DTNB: variants seen among roughly 807,000 people sequenced by gnomAD.
The protein encoded by DTNB is dystrobrevin beta, also known as DTN-B.
DTNB carries 63 observed loss-of-function variants against 90.7 expected under a neutral mutation model. The observed-to-expected ratio is 0.69, with a 90% CI of 0.57 to 0.86. The LOEUF (loss-of-function observed/expected upper bound fraction) is 0.86, where lower values mean the gene tolerates loss of function less well. DTNB is among the 40% of genes least tolerant of loss of function. DTNB has a pLI of 0.00. For missense variants in DTNB, 744 were observed against 807.1 expected (o/e 0.92, Z 0.95); for synonymous variants, 277 against 286.7 (o/e 0.97, Z 0.34).
intron 9 of DTNB, among the ~76,000 whole-genome samples, chr2:25,502,664 A>G (rs1332520067): frequency 2.0e-5 from 3 of 151,878 alleles, no homozygotes; most frequent in African/African-American, 2.4e-5. Context: ...TGGGTGGATC[A>G]TGAAGTCAGG....
At chr2:25,422,395 C>CTTTTT (rs146697158) in intron 15 of DTNB, among the ~76,000 whole-genome samples, 306 of 82,968 alleles carry the variant, frequency 3.7e-3, no homozygotes, top group East Asian at 6.3e-3. Context: ...CTTTTCTCTT[C>CTTTTT]TTTTTTTTTT....
At chr2:25,453,860 C>T (rs1035186451) in intron 11 of DTNB, among the ~76,000 whole-genome samples, 2 of 152,138 alleles carry the variant, frequency 1.3e-5, no homozygotes, top group African/African-American at 4.8e-5. Flanking sequence ...GAAAACCCTA[C>T]TTCTCAGCCG....
intron 1 of DTNB, among the ~76,000 whole-genome samples, chr2:25,666,215 T>A (rs2084407582): frequency 6.6e-6 from 1 of 152,204 alleles, no homozygotes; most frequent in South Asian, 2.1e-4. Flanking sequence ...ATCATATACA[T>A]CTGTTTCTCT....
At chr2:25,584,579 CAG>C (rs1305832453) in intron 6 of DTNB, among the ~76,000 whole-genome samples, 2 of 150,190 alleles carry the variant, frequency 1.3e-5, no homozygotes, top group African/African-American at 4.9e-5. Context: ...TTTTTTGAGA[CAG>C]AGTCTCACTC....
intron 8 of DTNB, among the ~76,000 whole-genome samples, chr2:25,547,269 TTC>T (rs1250496574): frequency 3.3e-5 from 5 of 149,344 alleles, no homozygotes; most frequent in South Asian, 2.1e-4. Context: ...ACCTGTATAC[TTC>T]TTTTTTTTTT....
intron 16 of DTNB, among the ~76,000 whole-genome samples, chr2:25,407,045 G>C (rs1370139797): frequency 6.6e-6 from 1 of 152,048 alleles, no homozygotes; most frequent in Non-Finnish European, 1.5e-5. Flanking sequence ...AGGGTTTATG[G>C]TTAGCCATCT....
At chr2:25,616,465 C>T (rs945068550) in intron 4 of DTNB, among the ~76,000 whole-genome samples, 3 of 152,016 alleles carry the variant, frequency 2.0e-5, no homozygotes, top group Admixed American at 6.6e-5. Flanking sequence ...TTCAGAGACT[C>T]TCATATTCAA....
chr2:25,662,681 A>ACACACAAACAC (rs35419647), intron 1 of DTNB, among the ~76,000 whole-genome samples: 66 of 104,528 alleles, frequency 6.3e-4, no homozygotes, highest in South Asian at 1.9e-3. Context: ...CACACACACA[A>ACACACAAACAC]ACACACACAC....
chr2:25,656,713 G>T (rs935389355), intron 1 of DTNB, among the ~76,000 whole-genome samples: 1 of 152,134 alleles, frequency 6.6e-6, no homozygotes, highest in African/African-American at 2.4e-5. Flanking sequence ...CATCCTGTGG[G>T]CATACAGAGA....
chr2:25,621,975 A>C (rs2072829331), intron 4 of DTNB, among the ~76,000 whole-genome samples: 2 of 151,974 alleles, frequency 1.3e-5, no homozygotes, highest in Admixed American at 1.3e-4. Flanking sequence ...TGTATTTTTT[A>C]AGATTTAGAT....
intron 12 of DTNB, among the ~76,000 whole-genome samples, chr2:25,450,772 T>C (rs1420487405): frequency 6.6e-6 from 1 of 152,188 alleles, no homozygotes; most frequent in Admixed American, 6.5e-5. Flanking sequence ...AATTTATCCA[T>C]AAGTATTTGG....
At chr2:25,519,365 T>C (rs904073129) in intron 9 of DTNB, among the ~76,000 whole-genome samples, 2 of 149,790 alleles carry the variant, frequency 1.3e-5, no homozygotes, top group South Asian at 2.1e-4. Context: ...ACCCTGTTTC[T>C]ACTTTTTTTT....
chr2:25,601,656 CAGAA>C (rs2065912152), intron 5 of DTNB, among the ~76,000 whole-genome samples: 1 of 152,064 alleles, frequency 6.6e-6, no homozygotes, highest in African/African-American at 2.4e-5. Context: ...AGTCTATAAA[CAGAA>C]AGCCATTTTC....
intron 8 of DTNB, among the ~76,000 whole-genome samples, chr2:25,532,158 T>G (rs1279697421): frequency 6.6e-6 from 1 of 150,876 alleles, no homozygotes; most frequent in East Asian, 1.9e-4. Flanking sequence ...GGCAGAAGAA[T>G]TGCTTGAACC....
intron 9 of DTNB, among the ~76,000 whole-genome samples, chr2:25,509,211 T>C (rs1184210820): frequency 6.6e-6 from 1 of 152,240 alleles, no homozygotes; most frequent in Non-Finnish European, 1.5e-5. Flanking sequence ...ATAGATGCAC[T>C]AAGAGTGACA....
intron 16 of DTNB, among the ~76,000 whole-genome samples, chr2:25,401,807 A>T (rs559371433): frequency 6.6e-6 from 1 of 152,356 alleles, no homozygotes; most frequent in East Asian, 1.9e-4. Context: ...TTATCATGGT[A>T]ACAGAATGGA....
chr2:25,582,392 C>T (rs994925444), intron 6 of DTNB, among the ~76,000 whole-genome samples: 1 of 151,772 alleles, frequency 6.6e-6, no homozygotes, highest in Non-Finnish European at 1.5e-5. Flanking sequence ...TTCCAGTATA[C>T]GTAAATTGGA....
chr2:25,644,001 C>T, intron 2 of DTNB, among the ~76,000 whole-genome samples: 1 of 152,218 alleles, frequency 6.6e-6, no homozygotes, highest in Admixed American at 6.5e-5. Flanking sequence ...CACTGCTATA[C>T]TCCCACCAGG....
chr2:25,537,180 G>C (rs924768750), intron 8 of DTNB, among the ~76,000 whole-genome samples: 2 of 152,032 alleles, frequency 1.3e-5, no homozygotes, highest in Non-Finnish European at 2.9e-5. Flanking sequence ...TACCTACCTA[G>C]TAAAACCATA....
Sources: gnomAD v4.1 joint callset for allele counts (sites outside exome capture counted in the v4.1 genomes callset) on GRCh38, gnomAD v4.1.1 for gene constraint, MANE v1.5 for transcripts, NCBI Gene and HGNC (gene_info 2026-07-23, HGNC 2026-07-21) for gene names.